The following IL1RAPL1 variants were observed in gnomAD, a reference collection of about 807,000 sequenced individuals.
IL1RAPL1 encodes the protein interleukin-1 receptor accessory protein-like 1.
A neutral mutation model predicts 48.4 loss-of-function variants in IL1RAPL1; 3 were observed. That is an observed-to-expected ratio of 0.06 (90% CI 0.03 to 0.16). IL1RAPL1 has a LOEUF of 0.16. Ranked by LOEUF, IL1RAPL1 falls within the 10% of genes least tolerant of loss-of-function variation. The pLI is 1.00. For missense variants in IL1RAPL1, 349 were observed against 530.6 expected, an observed-to-expected ratio of 0.66 and a Z score of 3.36; for synonymous variants, 185 against 187.7, an observed-to-expected ratio of 0.99 and a Z score of 0.12.
At position 29,063,764 on chromosome X, in the gene IL1RAPL1, G is replaced by A. The variant is rs191351835; in HGVS notation, c.83-219174G>A. On this transcript the variant is annotated intron_variant, in intron 2 of 10. Coordinates refer to ENST00000378993, the MANE Select transcript of IL1RAPL1 (RefSeq NM_014271.4). Reference sequence around the variant, plus strand: ...GAATCATCCCCAAAAACTTAAGGTCGTGGAAATTCTCTCTAAATTTTGGTG... The same window carrying A: ...GAATCATCCCCAAAAACTTAAGGTCATGGAAATTCTCTCTAAATTTTGGTG... Among the ~76,000 whole-genome samples, 17 of 111,483 alleles carry A rather than the reference G, an allele frequency of 1.5e-4. No individual in the cohort carries two copies. The East Asian group carries it at 2.3e-3, about 15-fold the overall frequency.
chrX:28,672,758 AT>A lies in IL1RAPL1; in HGVS notation c.-25+84712del, dbSNP rs1189641263. Among the ~76,000 whole-genome samples, 181 of 111,607 alleles carry A rather than the reference AT, an allele frequency of 1.6e-3. 1 individual carries two copies. The highest frequency in any genetic ancestry group is 5.6e-3 in the African/African-American group (172 of 30,726). ...GCCTTATTTCAATCCTTTAAAAAAA[AT>A]ATTCATTCTTGTGGGCTTTTGACTT... On this transcript the variant is annotated intron_variant, in intron 1 of 10. Transcript: ENST00000378993.
chrX:29,535,134 CAAAAAAAAA>C (rs35842937), intron 5 of IL1RAPL1, among the ~76,000 whole-genome samples: 7 of 22,583 alleles, frequency 3.1e-4, no homozygotes, highest in African/African-American at 1.2e-3. Context: ...ACTCTGTCTC[CAAAAAAAAA>C]AAAAAAAAAA....
At chrX:29,285,285 C>T (rs1932263914) in intron 3 of IL1RAPL1, among the ~76,000 whole-genome samples, 1 of 109,754 alleles carries the variant, frequency 9.1e-6, no homozygotes, top group South Asian at 4.0e-4. Flanking sequence ...GTAATCCCAG[C>T]ACTTTGGGAG....
intron 5 of IL1RAPL1, among the ~76,000 whole-genome samples, chrX:29,630,759 C>T (rs951310745): frequency 9.0e-6 from 1 of 111,710 alleles, no homozygotes; most frequent in Non-Finnish European, 1.9e-5. Flanking sequence ...AGGATGGCCT[C>T]GATCTCCTGA....
intron 2 of IL1RAPL1, among the ~76,000 whole-genome samples, chrX:28,925,507 C>T (rs1401862517): frequency 2.7e-5 from 3 of 111,384 alleles, no homozygotes; most frequent in African/African-American, 9.8e-5. Flanking sequence ...TGAATATTGC[C>T]AGGAGTTAGA....
rs754752090 is a variant in IL1RAPL1 at position 28,768,577 on chromosome X, C to A, written c.-24-20743C>A. Among the ~76,000 whole-genome samples the A allele has an allele frequency of 2.8e-5, 3 of 107,307 alleles. No individual in the cohort carries two copies. The East Asian group carries it at 8.8e-4, about 31-fold the overall frequency. The allele number at this position is 107,307 out of a possible 115,157, so 93.2% of individuals were successfully genotyped here. On this transcript the variant is annotated intron_variant, in intron 1 of 10. Coordinates refer to ENST00000378993, the MANE Select transcript of IL1RAPL1 (RefSeq NM_014271.4). ...TCAATTTTATTCTGTGATTAGAAAT[C>A]GCATGACTACAGCCTGTGTGTCAAA...
intron 5 of IL1RAPL1, among the ~76,000 whole-genome samples, chrX:29,459,559 A>G (rs868194261): frequency 9.0e-5 from 10 of 111,179 alleles, no homozygotes; most frequent in East Asian, 2.8e-4. Context: ...AAAGGAGACA[A>G]TGAGGGCCCC....
chrX:29,692,496 T>A (rs753772504), intron 6 of IL1RAPL1, among the ~76,000 whole-genome samples: 23 of 112,121 alleles, frequency 2.1e-4, no homozygotes, highest in Admixed American at 2.0e-3. Context: ...CTACACTTTG[T>A]CTTCCTGTCT....
chrX:29,823,545 T>C (rs1930666942), intron 6 of IL1RAPL1, among the ~76,000 whole-genome samples: 2 of 112,125 alleles, frequency 1.8e-5, no homozygotes, highest in Admixed American at 1.9e-4. Flanking sequence ...GTATATCTTG[T>C]TTTTGTTTCA....
intron 2 of IL1RAPL1, among the ~76,000 whole-genome samples, chrX:29,226,007 A>G (rs756940983): frequency 2.7e-5 from 3 of 111,809 alleles, no homozygotes; most frequent in African/African-American, 6.5e-5. Flanking sequence ...CAGTATTTCT[A>G]CAAACTCCCA....
At chrX:29,377,851 T>C (rs1933643406) in intron 3 of IL1RAPL1, among the ~76,000 whole-genome samples, 1 of 111,306 alleles carries the variant, frequency 9.0e-6, no homozygotes, top group Non-Finnish European at 1.9e-5. Context: ...ATGGTCATCT[T>C]GTGTAGTATC....
chrX:29,586,197 T>C (rs1923152860), intron 5 of IL1RAPL1, among the ~76,000 whole-genome samples: 1 of 112,001 alleles, frequency 8.9e-6, no homozygotes, highest in Non-Finnish European at 1.9e-5. Context: ...TTTAAGTTTT[T>C]AATTCATTTT....
At chrX:29,907,455 TTAACTC>T (rs1932657790) in intron 6 of IL1RAPL1, among the ~76,000 whole-genome samples, 1 of 111,243 alleles carries the variant, frequency 9.0e-6, no homozygotes, top group Non-Finnish European at 1.9e-5. Flanking sequence ...ATAGTAATAT[TTAACTC>T]TAATAAATCC....
chrX:29,054,861 T>A lies in IL1RAPL1; in HGVS notation c.83-228077T>A, dbSNP rs1037491778. On this transcript the variant is annotated intron_variant, in intron 2 of 10. Transcript: ENST00000378993. ...GCAGGAATGTATCTGTTCCTTTTGTTGCCTTATCTTCAAAATGTAGAATAG... is the reference window on the plus strand; with the variant it reads ...GCAGGAATGTATCTGTTCCTTTTGTAGCCTTATCTTCAAAATGTAGAATAG... Among the ~76,000 whole-genome samples, 6 of 112,017 alleles carry A rather than the reference T, an allele frequency of 5.4e-5. No homozygotes were observed. The East Asian group carries it at 8.4e-4, about 16-fold the overall frequency.
At chrX:28,661,610 G>A (rs896704110) in intron 1 of IL1RAPL1, among the ~76,000 whole-genome samples, 1 of 110,466 alleles carries the variant, frequency 9.1e-6, no homozygotes, top group Non-Finnish European at 1.9e-5. Flanking sequence ...TTTAAAAATG[G>A]TATTAACTCT....
At chrX:28,746,285 A>G (rs1368629941) in intron 1 of IL1RAPL1, among the ~76,000 whole-genome samples, 1 of 111,622 alleles carries the variant, frequency 9.0e-6, no homozygotes, top group African/African-American at 3.3e-5. Flanking sequence ...GCTTTAAAGC[A>G]CTCCCTGAGG....
intron 6 of IL1RAPL1, among the ~76,000 whole-genome samples, chrX:29,811,032 C>G (rs1485616489): frequency 9.0e-6 from 1 of 110,973 alleles, no homozygotes; most frequent in Non-Finnish European, 1.9e-5. Context: ...TGTTCCCACT[C>G]CTGCTTGTTT....
chrX:28,615,140 G>A (rs991047142), intron 1 of IL1RAPL1, among the ~76,000 whole-genome samples: 1 of 103,847 alleles, frequency 9.6e-6, no homozygotes, highest in African/African-American at 3.6e-5. Context: ...TGCCCGCCTT[G>A]GCCTCCTAAA....
At chrX:28,775,817 C>T (rs1200489040) in intron 1 of IL1RAPL1, among the ~76,000 whole-genome samples, 1 of 111,951 alleles carries the variant, frequency 8.9e-6, no homozygotes, top group East Asian at 2.8e-4. Context: ...TATGGCCTTT[C>T]CATATGTTTT....
Sources: gnomAD v4.1 joint callset for allele counts (sites outside exome capture counted in the v4.1 genomes callset) on GRCh38, gnomAD v4.1.1 for gene constraint, MANE v1.5 for transcripts, NCBI Gene and HGNC (gene_info 2026-07-23, HGNC 2026-07-21) for gene names.